Variants in MAP3K12 observed in about 807,000 individuals in gnomAD.
The protein encoded by MAP3K12 is MAPK-upstream kinase.
In MAP3K12, 14 loss-of-function variants were observed where a neutral mutation model predicts 87.5. The observed-to-expected ratio is 0.16, with a 90% CI of 0.11 to 0.25. The LOEUF is 0.25. MAP3K12 is among the 10% of genes least tolerant of loss of function. The pLI, the probability that MAP3K12 is intolerant of heterozygous loss-of-function variation, is 1.00. For synonymous variants in MAP3K12, 469 were observed against 452.5 expected (o/e 1.04, Z -0.46); for missense variants, 802 against 1,140.4 (o/e 0.70, Z 4.27).
chr12:53,485,251 A>G (rs1378031736), intron 5 of MAP3K12, 37 bp from the exon 6 acceptor site: 2 of 1,601,790 alleles, frequency 1.2e-6, no homozygotes, highest in Non-Finnish European at 1.7e-6. Flanking sequence ...CTCAAGCCCT[A>G]GAAGTTGCCC....
At position 53,484,923 on chromosome 12, in the gene MAP3K12, A is replaced by G. The variant is rs527248589; in HGVS notation, c.1139+133T>C. On this transcript the variant is annotated intron_variant, in intron 6 of 13. Coordinates refer to ENST00000547488, the MANE Select transcript of MAP3K12 (RefSeq NM_001193511.2). ...CTGGTGACTCAGCTCAGAAGGTAGC[A>G]TGAGCCTGATTCAGATGAAAGTCAG... is the stretch of plus-strand genomic sequence containing the variant. 10 of 1,183,614 alleles carry G rather than the reference A, an allele frequency of 8.4e-6. No individual in the cohort carries two copies. In the East Asian group the frequency reaches 2.6e-4, roughly 30 times the overall value. The allele number at this position is 1,183,614 out of a possible 1,614,324, so 73.3% of individuals were successfully genotyped here. A position where few individuals can be genotyped will look rare whatever the true frequency, so the allele number is the denominator to read the frequency against.
chr12:53,489,183 G>A (rs1271216068), intron 1 of MAP3K12, among the ~76,000 whole-genome samples: 1 of 150,980 alleles, frequency 6.6e-6, no homozygotes, highest in Non-Finnish European at 1.5e-5. Flanking sequence ...AAACAACAAA[G>A]CTGGGCATGG....
intron 1 of MAP3K12, among the ~76,000 whole-genome samples, chr12:53,490,608 G>T (rs147580785): frequency 0.012 from 1,889 of 152,134 alleles, 31 homozygotes; most frequent in African/African-American, 0.043. Flanking sequence ...GCCGTGTGTG[G>T]TGGCAGGCGC....
upstream of MAP3K12, chr12:53,501,099 A>G: frequency 2.3e-6 from 1 of 437,162 alleles, no homozygotes; most frequent in Non-Finnish European, 4.2e-6. Flanking sequence ...GGAAGGAAGG[A>G]GGCGGGACGG....
Position 53,482,181 on chromosome 12 carries a change from T to G in MAP3K12, c.2340A>C (p.Ser780=). ...GATTCTCTGAGCTGAAGGTAGATAGTGACTGGCGCATGTTCAGGCTCTGAG... is the reference window on the plus strand; with the variant it reads ...GATTCTCTGAGCTGAAGGTAGATAGGGACTGGCGCATGTTCAGGCTCTGAG... ...RWPQSLNMRQ[S]LSTFSSENPS... Residue 780 remains serine (S), a synonymous_variant, in exon 13 of 14, where the codon TCA becomes TCC. Coordinates refer to ENST00000547488, the MANE Select transcript of MAP3K12 (RefSeq NM_001193511.2). The G allele has an allele frequency of 6.2e-7, 1 of 1,614,210 alleles. No individual in the cohort carries two copies. The highest frequency in any genetic ancestry group is 8.5e-7 in the Non-Finnish European group (1 of 1,180,016).
At chr12:53,501,276 A>T (rs1943687458), upstream of MAP3K12, 2 of 939,678 alleles carry the variant, frequency 2.1e-6, no homozygotes, top group African/African-American at 1.6e-5. Context: ...GGGGGACTCC[A>T]TATCCCAGCG....
chr12:53,483,866 G>A, intron 8 of MAP3K12, 45 bp downstream of exon 8: 5 of 1,611,000 alleles, frequency 3.1e-6, no homozygotes, highest in Non-Finnish European at 4.2e-6. Flanking sequence ...TGGGTGCATA[G>A]TCCTTGCTGT....
intron 6 of MAP3K12, chr12:53,484,791 T>G (rs1345021514): frequency 1.9e-6 from 1 of 521,920 alleles, no homozygotes; most frequent in East Asian, 3.5e-5. Context: ...GCTCCTTCCT[T>G]GTACTTGTAT....
chr12:53,490,484 G>A (rs192870556), intron 1 of MAP3K12, among the ~76,000 whole-genome samples: 1 of 152,122 alleles, frequency 6.6e-6, no homozygotes, highest in East Asian at 1.9e-4. Context: ...AGTGGCTCAT[G>A]CCTGTAATCC....
At chr12:53,490,036 C>T (rs971732596) in intron 1 of MAP3K12, among the ~76,000 whole-genome samples, 5 of 152,288 alleles carry the variant, frequency 3.3e-5, no homozygotes, top group African/African-American at 1.2e-4. Context: ...GGTGTGGTGG[C>T]TCATGCCTGT....
At chr12:53,488,649 G>A (rs113006960) in intron 1 of MAP3K12, among the ~76,000 whole-genome samples, 1,601 of 151,772 alleles carry the variant, frequency 0.011, 19 homozygotes, top group African/African-American at 0.037. Flanking sequence ...CAACAAGAGC[G>A]AAACTCTGTC....
chr12:53,481,967 G>C lies in MAP3K12; in HGVS notation c.2554C>G (p.Pro852Ala), dbSNP rs757542488. The C allele has an allele frequency of 3.1e-6, 5 of 1,613,726 alleles. No homozygotes were observed. Among genetic ancestry groups the C allele is most frequent in the Non-Finnish European group, 4.2e-6 (5 of 1,179,660 alleles). Residue 852 changes from proline to alanine, a missense_variant, in exon 13 of 14, where the codon CCA (proline) becomes GCA (alanine). By Grantham distance (27) the Pro-to-Ala change is conservative (BLOSUM62 -1). Transcript: ENST00000547488. ...CGCTCTCTGAGAAGTTCCTGGTGTG[G>C]AATGGGCAGGGAGCTGGGTTCAGGG... Reference protein sequence around the residue: ...PGPEPSSLPIPHQELLRERGP... With the variant: ...PGPEPSSLPIAHQELLRERGP...
At position 53,479,677 on chromosome 12, in the gene MAP3K12, T is replaced by TTTTTTTGTTGTTTTTTG. The variant is rs1555209695; in HGVS notation, c.*1504_*1505insCAAAAAACAACAAAAAA. ...TTTTATAAGCTTCTCCCTGGTTTTT[T>TTTTTTTGTTGTTTTTTG]TTTTTTGGCTCATGAATTTTTCTGT... On this transcript the variant is annotated 3_prime_UTR_variant, in exon 14 of 14. Coordinates refer to ENST00000547488, the MANE Select transcript of MAP3K12 (RefSeq NM_001193511.2). 1 of 388,098 alleles carries TTTTTTTGTTGTTTTTTG rather than the reference T, an allele frequency of 2.6e-6. No homozygotes were observed. Among genetic ancestry groups the TTTTTTTGTTGTTTTTTG allele is most frequent in the Admixed American group, 4.3e-5 (1 of 23,380 alleles). The allele number at this position is 388,098 out of a possible 1,614,324, so 24.0% of individuals were successfully genotyped here. A position where few individuals can be genotyped will look rare whatever the true frequency, so the allele number is the denominator to read the frequency against.
rs1050177151 is a variant in MAP3K12, at chr12:53,483,062, G to A, written c.1741C>T (p.Arg581Cys). Residue 581 changes from arginine (R) to cysteine (C), a missense_variant, in exon 11 of 14, where the codon CGC (arginine) becomes TGC (cysteine). By Grantham distance (180) the Arg-to-Cys change is radical (BLOSUM62 -3). Coordinates refer to ENST00000547488, the MANE Select transcript of MAP3K12 (RefSeq NM_001193511.2). ...GRSRRGKTRH[R>C]KASAKGSCGD... is the part of the protein sequence containing the mutation. ...CAGCTCCCCTTGGCGCTGGCCTTGC[G>A]GTGACGGGTCTTGCCACGGCGACTC... 3.9e-6 allele frequency: 6 copies of A among 1,543,694 alleles called. No homozygotes were observed. The highest frequency in any genetic ancestry group is 2.1e-5 in the Admixed American group (1 of 47,952).
At chr12:53,489,318 C>CA (rs967190888) in intron 1 of MAP3K12, among the ~76,000 whole-genome samples, 1 of 151,628 alleles carries the variant, frequency 6.6e-6, no homozygotes, top group African/African-American at 2.4e-5. Context: ...AACCCCGTCT[C>CA]AAAAAACAAA....
intron 1 of MAP3K12, among the ~76,000 whole-genome samples, chr12:53,497,572 G>A (rs1426157087): frequency 6.6e-6 from 1 of 152,182 alleles, no homozygotes; most frequent in African/African-American, 2.4e-5. Context: ...AGGCCCTCAT[G>A]AAGCCCCTAT....
chr12:53,499,600 T>C (rs1314505165), upstream of MAP3K12: 1 of 151,302 alleles, frequency 6.6e-6, no homozygotes, highest in Non-Finnish European at 1.5e-5. Flanking sequence ...TGCACGGGTG[T>C]CAGCTTCAGC....
rs77720375 is a variant in MAP3K12 at position 53,489,959 on chromosome 12, C to T, written c.-37-2531G>A. On this transcript the variant is annotated intron_variant, in intron 1 of 13. Coordinates refer to ENST00000547488, the MANE Select transcript of MAP3K12 (RefSeq NM_001193511.2). ...GCCCAGGACAGCTGGTCTCCAAGTG[C>T]CCTCCCTAACCCCAATTCTCCACCC... 3.6e-3 allele frequency among the ~76,000 whole-genome samples: 547 copies of T among 152,306 alleles called. 5 individuals carry two copies. The highest frequency in any genetic ancestry group is 0.013 in the African/African-American group (535 of 41,558).
chr12:53,484,362 A>G lies in MAP3K12; in HGVS notation c.1143T>C (p.Asn381=), dbSNP rs765458374. The part of the protein sequence containing the change: ...GFKILLRQCW[N]SKPRNRPSFR... ...ATGATGGGCGATTTCGTGGTTTGCTATTCCTGAAAGGAATGGAGTTAGGAA... is the reference window on the plus strand; with the variant it reads ...ATGATGGGCGATTTCGTGGTTTGCTGTTCCTGAAAGGAATGGAGTTAGGAA... Residue 381 remains asparagine (N), a synonymous_variant, in exon 7 of 14, where the codon AAT becomes AAC. Coordinates refer to ENST00000547488, the MANE Select transcript of MAP3K12 (RefSeq NM_001193511.2). 11 of 1,613,642 alleles carry G rather than the reference A, an allele frequency of 6.8e-6. No individual in the cohort carries two copies. In the South Asian group the frequency reaches 9.9e-5, roughly 14 times the overall value.
Sources: gnomAD v4.1 joint callset for allele counts (sites outside exome capture counted in the v4.1 genomes callset) on GRCh38, gnomAD v4.1.1 for gene constraint, MANE v1.5 for transcripts, NCBI Gene and HGNC (gene_info 2026-07-23, HGNC 2026-07-21) for gene names.